CSMD1: variants seen among roughly 807,000 people sequenced by gnomAD.
CSMD1 encodes the protein CUB and sushi domain-containing protein 1.
CSMD1 carries 213 observed loss-of-function variants against 417.5 expected under a neutral mutation model. The ratio of observed to expected loss-of-function variants is 0.51; its 90% CI spans 0.46 to 0.57. The LOEUF (loss-of-function observed/expected upper bound fraction) is 0.57, where lower values mean the gene tolerates loss of function less well. Ranked by LOEUF, CSMD1 falls within the 20% of genes least tolerant of loss-of-function variation. The pLI, the probability that CSMD1 is intolerant of heterozygous loss-of-function variation, is 0.00. For missense variants in CSMD1, 6,923 were observed against 4,529.7 expected (o/e 1.53, Z -15.17); for synonymous variants, 2,862 against 1,736.8 (o/e 1.65, Z -16.11).
intron 49 of CSMD1, among the ~76,000 whole-genome samples, chr8:3,066,684 T>C (rs757184964): frequency 5.3e-5 from 8 of 152,150 alleles, no homozygotes; most frequent in African/African-American, 1.2e-4. Context: ...AATGGCTCTG[T>C]AGATTCCAAA....
At chr8:4,333,371 C>T (rs1324264272) in intron 3 of CSMD1, among the ~76,000 whole-genome samples, 1 of 152,120 alleles carries the variant, frequency 6.6e-6, no homozygotes, top group African/African-American at 2.4e-5. Context: ...CTAGCACAGG[C>T]TCCAGGGACG....
chr8:4,676,783 C>G (rs1171872596), intron 1 of CSMD1, among the ~76,000 whole-genome samples: 1 of 151,844 alleles, frequency 6.6e-6, no homozygotes, highest in Non-Finnish European at 1.5e-5. Flanking sequence ...TTTCTTTGTT[C>G]TCTTCAGCGA....
chr8:3,676,819 C>A (rs1364207758), intron 7 of CSMD1, among the ~76,000 whole-genome samples: 1 of 152,118 alleles, frequency 6.6e-6, no homozygotes, highest in African/African-American at 2.4e-5. Context: ...CACATACACA[C>A]CATGGAATAA....
intron 3 of CSMD1, among the ~76,000 whole-genome samples, chr8:4,242,448 T>C (rs1206369408): frequency 6.6e-6 from 1 of 152,198 alleles, no homozygotes; most frequent in African/African-American, 2.4e-5. Context: ...CAAGCTATAA[T>C]AGGACTATTG....
intron 3 of CSMD1, among the ~76,000 whole-genome samples, chr8:4,159,131 G>C (rs1322495982): frequency 1.6e-4 from 24 of 152,170 alleles, no homozygotes; most frequent in Admixed American, 1.2e-3. Flanking sequence ...TGGCAGGCTG[G>C]TCTTGAACTC....
At chr8:3,740,822 A>C (rs1475422469) in intron 6 of CSMD1, among the ~76,000 whole-genome samples, 1 of 152,188 alleles carries the variant, frequency 6.6e-6, no homozygotes, top group Non-Finnish European at 1.5e-5. Flanking sequence ...GAGGCTATGC[A>C]GGCAACAGAG....
chr8:4,869,834 T>C (rs948386088), intron 1 of CSMD1, among the ~76,000 whole-genome samples: 1 of 152,076 alleles, frequency 6.6e-6, no homozygotes, highest in Non-Finnish European at 1.5e-5. Context: ...CTTTAATTTA[T>C]CATATATTCT....
chr8:4,852,285 G>A (rs751231464), intron 1 of CSMD1, among the ~76,000 whole-genome samples: 3 of 152,128 alleles, frequency 2.0e-5, no homozygotes, highest in Non-Finnish European at 2.9e-5. Context: ...GAGGTGCTGG[G>A]GTTGTGGGAG....
At chr8:4,731,235 C>A (rs1809844632) in intron 1 of CSMD1, among the ~76,000 whole-genome samples, 1 of 152,134 alleles carries the variant, frequency 6.6e-6, no homozygotes, top group Non-Finnish European at 1.5e-5. Context: ...ACTCAGCCTC[C>A]ACACAAGATG....
At chr8:3,558,644 C>T (rs558070869) in intron 10 of CSMD1, among the ~76,000 whole-genome samples, 1,581 of 149,382 alleles carry the variant, frequency 0.011, 42 homozygotes, top group African/African-American at 0.038. Flanking sequence ...AATAGTACCC[C>T]GTGTCCACTC....
chr8:3,653,080 A>G (rs551673621), intron 7 of CSMD1, among the ~76,000 whole-genome samples: 2 of 152,296 alleles, frequency 1.3e-5, no homozygotes, highest in African/African-American at 4.8e-5. Context: ...AGACTCATTC[A>G]TCAACGTCAT....
intron 1 of CSMD1, among the ~76,000 whole-genome samples, chr8:4,860,474 T>G (rs1421108026): frequency 1.3e-5 from 2 of 152,004 alleles, no homozygotes; most frequent in Non-Finnish European, 2.9e-5. Flanking sequence ...GCCATGTAAT[T>G]TGCTGGCTCC....
intron 12 of CSMD1, among the ~76,000 whole-genome samples, chr8:3,442,485 C>T (rs1585171417): frequency 1.3e-5 from 2 of 152,162 alleles, no homozygotes; most frequent in Non-Finnish European, 2.9e-5. Flanking sequence ...TGTATGTTTA[C>T]ATATGTTCGA....
intron 26 of CSMD1, among the ~76,000 whole-genome samples, chr8:3,264,508 G>C (rs1801295291): frequency 6.6e-6 from 1 of 152,170 alleles, no homozygotes; most frequent in Non-Finnish European, 1.5e-5. Flanking sequence ...AATCTAATTT[G>C]AGAACTGCAC....
chr8:3,503,213 G>A (rs944255946), intron 10 of CSMD1, among the ~76,000 whole-genome samples: 1 of 152,152 alleles, frequency 6.6e-6, no homozygotes, highest in South Asian at 2.1e-4. Context: ...AAGAAAGGGA[G>A]TTAGAAAAAT....
chr8:4,939,475 A>G (rs1807836741), intron 1 of CSMD1, among the ~76,000 whole-genome samples: 1 of 152,252 alleles, frequency 6.6e-6, no homozygotes. Flanking sequence ...CTTTAAAAAG[A>G]AGACAGTCCT....
chr8:3,884,343 T>C (rs746523669), intron 5 of CSMD1, among the ~76,000 whole-genome samples: 10 of 152,294 alleles, frequency 6.6e-5, no homozygotes, highest in Non-Finnish European at 1.0e-4. Flanking sequence ...CATAAAGTAA[T>C]CAACTGATTC....
chr8:3,888,224 G>C (rs1806696950), intron 5 of CSMD1, among the ~76,000 whole-genome samples: 1 of 152,100 alleles, frequency 6.6e-6, no homozygotes, highest in Non-Finnish European at 1.5e-5. Context: ...TAGACATAAA[G>C]TTAGAGGAAT....
intron 2 of CSMD1, among the ~76,000 whole-genome samples, chr8:4,450,841 G>A (rs1382518793): frequency 1.3e-5 from 2 of 152,126 alleles, no homozygotes; most frequent in South Asian, 2.1e-4. Context: ...GAGTAAGGGT[G>A]GTGGATGTGA....
Sources: gnomAD v4.1 joint callset for allele counts (sites outside exome capture counted in the v4.1 genomes callset) on GRCh38, gnomAD v4.1.1 for gene constraint, MANE v1.5 for transcripts, NCBI Gene and HGNC (gene_info 2026-07-23, HGNC 2026-07-21) for gene names.